HDAC9: variants seen among roughly 807,000 people sequenced by gnomAD.
The protein encoded by HDAC9 is MEF-2 interacting transcription repressor (MITR) protein.
In HDAC9, 41 loss-of-function variants were observed where a neutral mutation model predicts 139.4. The observed-to-expected ratio is 0.29, with a 90% confidence interval of 0.23 to 0.38. The LOEUF (loss-of-function observed/expected upper bound fraction) is 0.38, where lower values mean the gene tolerates loss of function less well. HDAC9 is among the 10% of genes least tolerant of loss of function. The probability of loss-of-function intolerance (pLI) is 1.00; values close to 1 mark genes in which losing one functional copy is unlikely to be tolerated. For synonymous variants in HDAC9, 517 were observed against 476.2 expected, an observed-to-expected ratio of 1.09 and a Z score of -1.12; for missense variants, 1,147 against 1,297.0, an observed-to-expected ratio of 0.88 and a Z score of 1.78.
chr7:18,801,672 G>A (rs1226938950), intron 17 of HDAC9, among the ~76,000 whole-genome samples: 1 of 151,954 alleles, frequency 6.6e-6, no homozygotes, highest in African/African-American at 2.4e-5. Flanking sequence ...TTTTCTCAAC[G>A]TTTGGTAAAA....
In HDAC9 at chr7:18,732,974, C is replaced by CACGTGTATGTGTGTGTATGTGTATATAT. The variant is rs1562893971; in HGVS notation, c.1909+5219_1909+5220insGTGTATGTGTGTGTATGTGTATATATAC. Among the ~76,000 whole-genome samples the CACGTGTATGTGTGTGTATGTGTATATAT allele has an allele frequency of 6.5e-5, 9 of 137,924 alleles. 1 individual carries two copies. Among genetic ancestry groups the CACGTGTATGTGTGTGTATGTGTATATAT allele is most frequent in the African/African-American group, 2.1e-4 (7 of 33,642 alleles). The allele number at this position is 137,924 out of a possible 152,430, so 90.5% of individuals were successfully genotyped here. On this transcript the variant is annotated intron_variant, in intron 13 of 25. Transcript: ENST00000686413. ...GTGTATGTGTGTGTATGTGTATATA[C>CACGTGTATGTGTGTGTATGTGTATATAT]ACATGTGTATGTGTGTGTATGTGTA... is the stretch of plus-strand genomic sequence containing the variant.
At chr7:18,393,396 G>A (rs937815448) in intron 1 of HDAC9, among the ~76,000 whole-genome samples, 1 of 152,066 alleles carries the variant, frequency 6.6e-6, no homozygotes, top group Non-Finnish European at 1.5e-5. Context: ...AGGAGTAGAG[G>A]GAACAGAGGA....
At chr7:18,103,474 C>T (rs970656332) in intron 1 of HDAC9, among the ~76,000 whole-genome samples, 1 of 152,086 alleles carries the variant, frequency 6.6e-6, no homozygotes, top group African/African-American at 2.4e-5. Context: ...GTTTTTCAGC[C>T]CTTTGCGCCA....
chr7:18,590,195 C>A, intron 3 of HDAC9, 141 bp from the exon 4 acceptor site: 1 of 895,368 alleles, frequency 1.1e-6, no homozygotes, highest in Non-Finnish European at 1.7e-6. Flanking sequence ...CCTTAGATTT[C>A]AATGATTTAC....
At chr7:18,927,884 CT>C (rs1389108722) in intron 22 of HDAC9, among the ~76,000 whole-genome samples, 1 of 152,028 alleles carries the variant, frequency 6.6e-6, no homozygotes, top group Non-Finnish European at 1.5e-5. Flanking sequence ...TTTGTTGTTT[CT>C]TTTTTTAACT....
At chr7:18,139,894 T>C (rs549442546) in intron 1 of HDAC9, among the ~76,000 whole-genome samples, 1 of 152,290 alleles carries the variant, frequency 6.6e-6, no homozygotes, top group Non-Finnish European at 1.5e-5. Flanking sequence ...TCCTAGAGCC[T>C]CTGGGGGAGA....
chr7:18,499,801 G>C (rs951241867), intron 2 of HDAC9, among the ~76,000 whole-genome samples: 4 of 152,110 alleles, frequency 2.6e-5, no homozygotes, highest in Non-Finnish European at 4.4e-5. Context: ...TTAAATCAAA[G>C]TCCTGAAATT....
intron 21 of HDAC9, among the ~76,000 whole-genome samples, chr7:18,845,142 G>A (rs192061763): frequency 6.6e-6 from 1 of 152,128 alleles, no homozygotes; most frequent in African/African-American, 2.4e-5. Context: ...TTTTTTGAGG[G>A]TGTGACAATT....
intron 2 of HDAC9, among the ~76,000 whole-genome samples, chr7:18,572,698 C>A (rs1375141741): frequency 6.6e-6 from 1 of 152,002 alleles, no homozygotes; most frequent in Non-Finnish European, 1.5e-5. Context: ...GAATTTTAAT[C>A]TCAAATTACA....
At chr7:18,738,147 G>A (rs1413072459) in intron 13 of HDAC9, among the ~76,000 whole-genome samples, 1 of 152,118 alleles carries the variant, frequency 6.6e-6, no homozygotes, top group Non-Finnish European at 1.5e-5. Flanking sequence ...TTGAGCCTAT[G>A]TGTGTCTCTG....
chr7:18,490,057 A>G (rs1318846204), intron 1 of HDAC9, among the ~76,000 whole-genome samples: 3 of 152,056 alleles, frequency 2.0e-5, no homozygotes, highest in African/African-American at 4.8e-5. Context: ...TACCTAGTCT[A>G]ATTATTTTCA....
intron 2 of HDAC9, chr7:18,505,802 A>G (rs983015429): frequency 9.2e-5 from 14 of 152,212 alleles, no homozygotes; most frequent in African/African-American, 3.4e-4. Context: ...CACGTTAATG[A>G]TTGACATAAT....
intron 1 of HDAC9, among the ~76,000 whole-genome samples, chr7:18,109,855 C>A (rs943597176): frequency 6.6e-6 from 1 of 152,152 alleles, no homozygotes; most frequent in African/African-American, 2.4e-5. Context: ...GTGATTCTCC[C>A]TCTAGGCATG....
intron 1 of HDAC9, among the ~76,000 whole-genome samples, chr7:18,464,113 G>T (rs1314008801): frequency 6.6e-6 from 1 of 151,766 alleles, no homozygotes; most frequent in Non-Finnish European, 1.5e-5. Context: ...ATTTTCCTTT[G>T]TATCTAATAG....
At chr7:18,631,542 G>C (rs151314286) in intron 7 of HDAC9, among the ~76,000 whole-genome samples, 122 of 152,012 alleles carry the variant, frequency 8.0e-4, no homozygotes, top group African/African-American at 2.9e-3. Flanking sequence ...GAGCAGTTCA[G>C]TTGCTTTTGC....
intron 25 of HDAC9, among the ~76,000 whole-genome samples, chr7:18,988,153 T>G (rs1472615018): frequency 6.6e-6 from 1 of 152,184 alleles, no homozygotes; most frequent in Non-Finnish European, 1.5e-5. Context: ...AATTGTGATG[T>G]TAGGGTGTCA....
chr7:18,272,961 A>ACTG (rs1252140134), intron 2 of HDAC9, among the ~76,000 whole-genome samples: 3 of 104,102 alleles, frequency 2.9e-5, no homozygotes, highest in African/African-American at 1.0e-4. Flanking sequence ...TACTACTACT[A>ACTG]CTACTATTTC....
chr7:18,326,327 T>C (rs1480254035), intron 1 of HDAC9, among the ~76,000 whole-genome samples: 1 of 152,088 alleles, frequency 6.6e-6, no homozygotes, highest in Non-Finnish European at 1.5e-5. Flanking sequence ...AGTGTTTTTT[T>C]ATAAATGACA....
chr7:18,879,094 A>G (rs1160044761), intron 22 of HDAC9, among the ~76,000 whole-genome samples: 1 of 152,184 alleles, frequency 6.6e-6, no homozygotes, highest in Admixed American at 6.6e-5. Context: ...TAGGAATACA[A>G]CTAATCAGGG....
Sources: gnomAD v4.1 joint callset for allele counts (sites outside exome capture counted in the v4.1 genomes callset) on GRCh38, gnomAD v4.1.1 for gene constraint, MANE v1.5 for transcripts, NCBI Gene and HGNC (gene_info 2026-07-23, HGNC 2026-07-21) for gene names.